Variants in GUCY1A2 observed in about 807,000 individuals in gnomAD.
The protein encoded by GUCY1A2 is guanylate cyclase 1 soluble subunit alpha 2.
GUCY1A2 carries 27 observed loss-of-function variants against 63.5 expected under a neutral mutation model. The observed-to-expected ratio is 0.43, with a 90% CI of 0.31 to 0.59. GUCY1A2 has a LOEUF of 0.59. GUCY1A2 is among the 20% of genes least tolerant of loss of function. The pLI is 0.11. For missense variants in GUCY1A2, 768 were observed against 913.3 expected, an observed-to-expected ratio of 0.84 and a Z score of 2.05; for synonymous variants, 364 against 343.5, an observed-to-expected ratio of 1.06 and a Z score of -0.66.
intron 4 of GUCY1A2, among the ~76,000 whole-genome samples, chr11:106,910,095 C>T (rs1860272654): frequency 6.6e-6 from 1 of 151,912 alleles, no homozygotes; most frequent in South Asian, 2.1e-4. Flanking sequence ...TAAAAACATA[C>T]TTACACTAAA....
intron 7 of GUCY1A2, among the ~76,000 whole-genome samples, chr11:106,692,722 A>G (rs1366848633): frequency 6.6e-6 from 1 of 152,222 alleles, no homozygotes; most frequent in African/African-American, 2.4e-5. Context: ...TCTGTGAGCT[A>G]GGCCTGAACC....
chr11:106,964,362 C>G (rs1041949603), intron 3 of GUCY1A2, among the ~76,000 whole-genome samples: 1 of 152,202 alleles, frequency 6.6e-6, no homozygotes, highest in Non-Finnish European at 1.5e-5. Context: ...AGCTACCCCT[C>G]CAGGGCCTCT....
chr11:106,688,930 G>A (rs991356893), intron 7 of GUCY1A2, among the ~76,000 whole-genome samples: 13 of 152,140 alleles, frequency 8.5e-5, no homozygotes, highest in African/African-American at 3.1e-4. Flanking sequence ...GGGGCAGTAG[G>A]TTAGGAAAAA....
At chr11:106,951,254 C>T (rs551448572) in intron 3 of GUCY1A2, among the ~76,000 whole-genome samples, 2 of 152,168 alleles carry the variant, frequency 1.3e-5, no homozygotes, top group South Asian at 2.1e-4. Flanking sequence ...TGGGTATATA[C>T]CCAGTAATGG....
intron 4 of GUCY1A2, among the ~76,000 whole-genome samples, chr11:106,862,800 T>C (rs1202289263): frequency 6.6e-6 from 1 of 152,126 alleles, no homozygotes; most frequent in Non-Finnish European, 1.5e-5. Context: ...AACAGATCCC[T>C]GGCTGGATTT....
intron 7 of GUCY1A2, among the ~76,000 whole-genome samples, chr11:106,706,293 T>A (rs1310090921): frequency 6.6e-6 from 1 of 152,202 alleles, no homozygotes; most frequent in Non-Finnish European, 1.5e-5. Flanking sequence ...TTTTACTTCA[T>A]AAATTATATT....
chr11:106,719,184 A>G (rs1223184647), intron 6 of GUCY1A2, among the ~76,000 whole-genome samples: 1 of 152,164 alleles, frequency 6.6e-6, no homozygotes, highest in African/African-American at 2.4e-5. Flanking sequence ...AGAAGTTTCT[A>G]TCTTGAGACT....
At chr11:106,742,875 G>C (rs1286644152) in intron 6 of GUCY1A2, among the ~76,000 whole-genome samples, 1 of 152,052 alleles carries the variant, frequency 6.6e-6, no homozygotes, top group Admixed American at 6.6e-5. Context: ...AAGTAAACAG[G>C]TACTTCTGAA....
intron 4 of GUCY1A2, among the ~76,000 whole-genome samples, chr11:106,877,218 G>A (rs1341010570): frequency 1.3e-5 from 2 of 151,946 alleles, no homozygotes; most frequent in Non-Finnish European, 2.9e-5. Flanking sequence ...AGGAGCTTTG[G>A]GGCTGCGACT....
chr11:106,815,834 A>G (rs1029955512), intron 4 of GUCY1A2, among the ~76,000 whole-genome samples: 1 of 151,888 alleles, frequency 6.6e-6, no homozygotes, highest in African/African-American at 2.4e-5. Flanking sequence ...ACGTGAAGAA[A>G]GAGACATAGA....
chr11:106,708,817 G>A (rs1862965813), intron 6 of GUCY1A2, 151 bp from the exon 7 acceptor site: 1 of 460,910 alleles, frequency 2.2e-6, no homozygotes. Flanking sequence ...TCATTTTTGT[G>A]AGCCTAATAG....
At chr11:106,695,206 T>C (rs1326030994) in intron 7 of GUCY1A2, among the ~76,000 whole-genome samples, 1 of 152,164 alleles carries the variant, frequency 6.6e-6, no homozygotes. Flanking sequence ...TGTATGTGTA[T>C]ATGTCATTTT....
chr11:106,981,931 G>A (rs538182956), intron 2 of GUCY1A2, among the ~76,000 whole-genome samples: 1 of 152,250 alleles, frequency 6.6e-6, no homozygotes, highest in South Asian at 2.1e-4. Context: ...TTGCAAAAGA[G>A]TCATTTACTA....
intron 4 of GUCY1A2, among the ~76,000 whole-genome samples, chr11:106,905,263 A>ATGGGTG (rs2119841509): frequency 6.6e-6 from 1 of 152,280 alleles, no homozygotes. Context: ...AGCATTAATT[A>ATGGGTG]ATATGACAAT....
chr11:106,908,226 C>G lies in GUCY1A2; in HGVS notation c.1206+31234G>C, dbSNP rs76934556. Among the ~76,000 whole-genome samples, 1,276 of 152,040 alleles carry G rather than the reference C, an allele frequency of 8.4e-3. 10 individuals carry two copies. The highest frequency in any genetic ancestry group is 0.035 in the South Asian group (170 of 4,816). On this transcript the variant is annotated intron_variant, in intron 4 of 7. Coordinates refer to ENST00000526355, the MANE Select transcript of GUCY1A2 (RefSeq NM_000855.3). ...ATCAATTTTACTGCTTATCATTAGA[C>G]CTTTCTTTACTAGGCATGCACTAAA...
intron 4 of GUCY1A2, among the ~76,000 whole-genome samples, chr11:106,901,318 C>T (rs1379811486): frequency 2.0e-5 from 3 of 152,168 alleles, no homozygotes; most frequent in African/African-American, 7.2e-5. Flanking sequence ...GCTATTTTCA[C>T]CAGCATCTGC....
At position 107,018,226 on chromosome 11, in the gene GUCY1A2, C is replaced by T; in HGVS notation, c.-171G>A. 5.2e-6 allele frequency: 1 copy of T among 192,488 alleles called. No homozygotes were observed. Among genetic ancestry groups the T allele is most frequent in the Non-Finnish European group, 1.0e-5 (1 of 98,432 alleles). 11.9% of individuals were successfully genotyped at this position (192,488 alleles called of 1,614,324 possible). On this transcript the variant is annotated 5_prime_UTR_variant, in exon 1 of 8. Transcript: ENST00000526355. ...CCCGGGGCCGCGGAGCCCCCCGAGC[C>T]GGCTGCTCATGGCGGGAACTTGGGG...
chr11:106,833,871 G>C (rs950250525), intron 4 of GUCY1A2, among the ~76,000 whole-genome samples: 2 of 151,982 alleles, frequency 1.3e-5, no homozygotes, highest in African/African-American at 4.8e-5. Context: ...GAGCTATGCA[G>C]TAGTCTCCGA....
chr11:106,946,494 A>G (rs890337606), intron 3 of GUCY1A2, among the ~76,000 whole-genome samples: 3 of 152,192 alleles, frequency 2.0e-5, no homozygotes, highest in African/African-American at 7.2e-5. Flanking sequence ...AAAGGTGATT[A>G]AAAAATAAAA....
Sources: gnomAD v4.1 joint callset for allele counts (sites outside exome capture counted in the v4.1 genomes callset) on GRCh38, gnomAD v4.1.1 for gene constraint, MANE v1.5 for transcripts, NCBI Gene and HGNC (gene_info 2026-07-23, HGNC 2026-07-21) for gene names.